LMTK2: variants seen among roughly 807,000 people sequenced by gnomAD.
LMTK2 encodes the protein lemur tail kinase 2.
A neutral mutation model predicts 127.5 loss-of-function variants in LMTK2; 37 were observed. The observed-to-expected ratio is 0.29, with a 90% CI of 0.22 to 0.38. LMTK2 has a LOEUF of 0.38. LMTK2 is among the 10% of genes least tolerant of loss of function. The probability of loss-of-function intolerance (pLI) is 1.00; values close to 1 mark genes in which losing one functional copy is unlikely to be tolerated. For synonymous variants in LMTK2, 819 were observed against 810.1 expected (o/e 1.01, Z -0.19); for missense variants, 1,694 against 1,920.3 (o/e 0.88, Z 2.20).
At chr7:98,146,148 T>A (rs913361437) in intron 3 of LMTK2, among the ~76,000 whole-genome samples, 1 of 152,230 alleles carries the variant, frequency 6.6e-6, no homozygotes, top group Non-Finnish European at 1.5e-5. Context: ...GACTCTCGGC[T>A]GTATGTCCAT....
In LMTK2 at chr7:98,137,361, G is replaced by C. The variant is rs200103736; in HGVS notation, c.150G>C (p.Leu50=). The part of the protein sequence containing the change: ...AAEVSSSFVI[L]CVCSLIILIV... ...AAGTTTCCTCATCTTTTGTGATCCTGTGTGTGTGCAGTTTAATAATATTAA... is the reference window on the plus strand; with the variant it reads ...AAGTTTCCTCATCTTTTGTGATCCTCTGTGTGTGCAGTTTAATAATATTAA... The change falls in exon 2 of 14, where the codon CTG becomes CTC. Residue 50 remains leucine, a synonymous_variant. Transcript: ENST00000297293. The C allele has an allele frequency of 6.2e-7, 1 of 1,613,666 alleles. No homozygotes were observed. The highest frequency in any genetic ancestry group is 1.7e-5 in the Admixed American group (1 of 59,984).
chr7:98,168,272 A>G (rs1435567502), intron 6 of LMTK2, among the ~76,000 whole-genome samples: 1 of 152,198 alleles, frequency 6.6e-6, no homozygotes, highest in Non-Finnish European at 1.5e-5. Context: ...CAAGACGAAG[A>G]ATCCATGGCA....
Position 98,194,030 on chromosome 7 carries a change from C to T in LMTK2, c.3565C>T (p.Gln1189Ter), listed in dbSNP as rs779595744. Residue 1189 changes from glutamine to a stop codon, truncating the protein, a stop_gained, in exon 11 of 14, where the codon CAG becomes TAG. Transcript: ENST00000297293. LOFTEE classifies it high-confidence loss of function. The surrounding 1 kb of genome is among the most constrained non-coding windows in gnomAD (Gnocchi z 5.4). ...GGAGCCAGCACAGACTGGTGTTCCCCAGCAGGTGCATCCCACGGAAGACGA... is the reference window on the plus strand; with the variant it reads ...GGAGCCAGCACAGACTGGTGTTCCCTAGCAGGTGCATCCCACGGAAGACGA... ...TPEPAQTGVP[Q>*]QVHPTEDEAS... 6.2e-7 allele frequency: 1 copy of T among 1,614,166 alleles called. No individual in the cohort carries two copies. The highest frequency in any genetic ancestry group is 1.1e-5 in the South Asian group (1 of 91,086).
rs1433906781 is a variant in LMTK2, at chr7:98,208,358, C to T, written c.*2866C>T. 1 of 152,116 alleles carries T rather than the reference C, an allele frequency of 6.6e-6. No individual in the cohort carries two copies. The highest frequency in any genetic ancestry group is 1.5e-5 in the Non-Finnish European group (1 of 68,042). The allele number at this position is 152,116 out of a possible 1,614,324, so 9.4% of individuals were successfully genotyped here. On this transcript the variant is annotated 3_prime_UTR_variant, in exon 14 of 14. Coordinates refer to ENST00000297293, the MANE Select transcript of LMTK2 (RefSeq NM_014916.4). ...TTGCAGCCCATTTTTGAAATGTCAG[C>T]ATGTGCTGTGTTCAGTTCAGGTTTT...
intron 2 of LMTK2, among the ~76,000 whole-genome samples, chr7:98,141,014 G>A (rs1796690469): frequency 6.7e-6 from 1 of 149,822 alleles, no homozygotes; most frequent in Non-Finnish European, 1.5e-5. Context: ...CCATGATCAT[G>A]CCACTGTGCT....
At chr7:98,145,348 G>T (rs1424089582) in intron 3 of LMTK2, among the ~76,000 whole-genome samples, 1 of 151,444 alleles carries the variant, frequency 6.6e-6, no homozygotes, top group South Asian at 2.1e-4. Flanking sequence ...TTTTAATATA[G>T]TAAATTTTAC....
intron 11 of LMTK2, among the ~76,000 whole-genome samples, chr7:98,195,372 C>T (rs1460004217): frequency 6.6e-6 from 1 of 152,108 alleles, no homozygotes; most frequent in African/African-American, 2.4e-5. Flanking sequence ...CCTGACCTGT[C>T]CTCTTTCCCT....
intron 3 of LMTK2, among the ~76,000 whole-genome samples, chr7:98,148,244 C>T (rs1796799747): frequency 1.3e-5 from 2 of 151,638 alleles, no homozygotes; most frequent in Admixed American, 6.6e-5. Flanking sequence ...AATCTCAGCA[C>T]TTTGAGAGGC....
chr7:98,165,689 T>C (rs1562911250), intron 6 of LMTK2, among the ~76,000 whole-genome samples: 1 of 152,002 alleles, frequency 6.6e-6, no homozygotes, highest in Non-Finnish European at 1.5e-5. Flanking sequence ...AATGCCTAAT[T>C]AATGGGCAGC....
chr7:98,191,268 A>T (rs1485455834), intron 10 of LMTK2, among the ~76,000 whole-genome samples: 1 of 152,092 alleles, frequency 6.6e-6, no homozygotes, highest in African/African-American at 2.4e-5. Context: ...TTTTTAACTG[A>T]TTCGGCCAGG....
intron 1 of LMTK2, among the ~76,000 whole-genome samples, chr7:98,125,158 C>G (rs977359207): frequency 6.6e-6 from 1 of 152,048 alleles, no homozygotes; most frequent in East Asian, 1.9e-4. Flanking sequence ...AAAAAATTAG[C>G]TGGGTGTGGT....
chr7:98,157,275 AGGTAG>A (rs1796939584), intron 5 of LMTK2, among the ~76,000 whole-genome samples: 3 of 151,574 alleles, frequency 2.0e-5, no homozygotes, highest in Admixed American at 2.0e-4. Flanking sequence ...GTAGGTAGGT[AGGTAG>A]GTAGGTAGGT....
chr7:98,175,357 T>C (rs962902724), intron 7 of LMTK2, among the ~76,000 whole-genome samples: 3 of 152,136 alleles, frequency 2.0e-5, no homozygotes, highest in African/African-American at 7.2e-5. Context: ...AAATGTCAGA[T>C]AGTCCAGTGT....
chr7:98,184,992 A>G (rs1797411298), intron 7 of LMTK2, 59 bp from the exon 8 acceptor site: 1 of 1,261,318 alleles, frequency 7.9e-7, no homozygotes. Context: ...TGGCATTTCC[A>G]TACAGCATGA....
intron 7 of LMTK2, among the ~76,000 whole-genome samples, chr7:98,183,036 ATTCC>A (rs936884443): frequency 1.3e-5 from 2 of 152,208 alleles, no homozygotes; most frequent in African/African-American, 4.8e-5. Flanking sequence ...AAGACACCAT[ATTCC>A]AGCCTGACTA....
intron 3 of LMTK2, among the ~76,000 whole-genome samples, chr7:98,148,898 A>G (rs1459841182): frequency 6.6e-6 from 1 of 152,194 alleles, no homozygotes; most frequent in Non-Finnish European, 1.5e-5. Context: ...TGCCCTGAGC[A>G]TACACGTGGC....
At position 98,185,172 on chromosome 7, in the gene LMTK2, A is replaced by G. The variant is rs1416197216; in HGVS notation, c.876+37A>G. The G allele has an allele frequency of 7.0e-6, 10 of 1,435,434 alleles. No individual in the cohort carries two copies. The South Asian group carries it at 1.2e-4, about 17-fold the overall frequency. 88.9% of individuals were successfully genotyped at this position (1,435,434 alleles called of 1,614,324 possible). ...GTTTAAATGTTTTCAGTCTGATTTAATTTGAATTGTGAAGTTGTAATGTCA... is the reference window on the plus strand; with the variant it reads ...GTTTAAATGTTTTCAGTCTGATTTAGTTTGAATTGTGAAGTTGTAATGTCA... On this transcript the variant is annotated intron_variant, in intron 8 of 13. Coordinates refer to ENST00000297293, the MANE Select transcript of LMTK2 (RefSeq NM_014916.4).
intron 1 of LMTK2, among the ~76,000 whole-genome samples, chr7:98,128,848 G>A (rs2116343822): frequency 6.6e-6 from 1 of 152,216 alleles, no homozygotes; most frequent in South Asian, 2.1e-4. Flanking sequence ...ATAAATTGGA[G>A]GAAATCCACT....
At chr7:98,110,026 C>A (rs377051583) in intron 1 of LMTK2, among the ~76,000 whole-genome samples, 14 of 152,274 alleles carry the variant, frequency 9.2e-5, no homozygotes, top group African/African-American at 2.6e-4. Flanking sequence ...GCCTGCACTC[C>A]TTGTGAAGAT....
Sources: allele counts gnomAD v4.1 joint callset (sites outside exome capture counted in the v4.1 genomes callset), GRCh38; gene constraint gnomAD v4.1.1; non-coding constraint Gnocchi (gnomAD v3.1); transcripts MANE v1.5; gene names NCBI Gene and HGNC (gene_info 2026-07-23, HGNC 2026-07-21).